The following ATG10 variants were observed in gnomAD, a reference collection of about 807,000 sequenced individuals.
The protein encoded by ATG10 is autophagy related 10, also known as ubiquitin-like-conjugating enzyme ATG10.
Under a neutral mutation model 32.1 loss-of-function variants are expected in ATG10, and 30 were observed. That is an observed-to-expected ratio of 0.94 (90% CI 0.70 to 1.27). The LOEUF (loss-of-function observed/expected upper bound fraction) is 1.27. Ranked by LOEUF, ATG10 falls within the 50% of genes most tolerant of loss-of-function variation. The pLI is 0.00. For synonymous variants in ATG10, 87 were observed against 91.5 expected (o/e 0.95, Z 0.28); for missense variants, 233 against 262.3 (o/e 0.89, Z 0.77).
At chr5:82,189,185 T>G (rs1297437574) in intron 5 of ATG10, among the ~76,000 whole-genome samples, 1 of 152,220 alleles carries the variant, frequency 6.6e-6, no homozygotes, top group Admixed American at 6.5e-5. Context: ...ATACATATAC[T>G]ATAACCATCA....
chr5:82,250,428 T>C (rs1291746123), intron 5 of ATG10, among the ~76,000 whole-genome samples: 1 of 152,220 alleles, frequency 6.6e-6, no homozygotes, highest in Admixed American at 6.5e-5. Flanking sequence ...ATGAGGGCAC[T>C]GGAAGATCCA....
chr5:82,172,954 G>A (rs1193000013), intron 4 of ATG10, among the ~76,000 whole-genome samples: 1 of 152,120 alleles, frequency 6.6e-6, no homozygotes, highest in Non-Finnish European at 1.5e-5. Context: ...TTCCCCTTTG[G>A]TGGAGCTTCA....
chr5:82,059,912 A>G (rs923340970), intron 3 of ATG10, among the ~76,000 whole-genome samples: 2 of 152,164 alleles, frequency 1.3e-5, no homozygotes, highest in Non-Finnish European at 2.9e-5. Context: ...AGCCAAGCAT[A>G]TTAGGAAGCT....
intron 5 of ATG10, among the ~76,000 whole-genome samples, chr5:82,210,826 A>C (rs966850373): frequency 6.6e-6 from 1 of 152,350 alleles, no homozygotes; most frequent in Admixed American, 6.5e-5. Flanking sequence ...AGGGGCTGTC[A>C]GGTTTTACTC....
chr5:82,148,016 A>G (rs1459660091), intron 3 of ATG10: 1 of 152,178 alleles, frequency 6.6e-6, no homozygotes, highest in Non-Finnish European at 1.5e-5. Context: ...ATTGGTCTGT[A>G]AGGCACTCAG....
intron 2 of ATG10, among the ~76,000 whole-genome samples, chr5:82,028,401 A>G (rs1196116029): frequency 2.6e-5 from 4 of 152,214 alleles, no homozygotes; most frequent in African/African-American, 7.2e-5. Context: ...TGAAACAAAT[A>G]AAGTATGGAA....
intron 3 of ATG10, among the ~76,000 whole-genome samples, chr5:82,139,857 C>G (rs1338546299): frequency 1.5e-5 from 2 of 136,996 alleles, no homozygotes; most frequent in African/African-American, 2.8e-5. Context: ...TCAGCCCCCC[C>G]ACCCGGCCAG....
At chr5:82,205,769 G>A (rs963841630) in intron 5 of ATG10, among the ~76,000 whole-genome samples, 5 of 152,166 alleles carry the variant, frequency 3.3e-5, no homozygotes, top group African/African-American at 7.2e-5. Context: ...TGGAAGCTAC[G>A]CTTGAGATAG....
intron 5 of ATG10, among the ~76,000 whole-genome samples, chr5:82,200,825 GT>G (rs1745041689): frequency 6.6e-6 from 1 of 150,724 alleles, no homozygotes; most frequent in Non-Finnish European, 1.5e-5. Flanking sequence ...CAGAGTGAGA[GT>G]TTTTAATTTG....
intron 2 of ATG10, among the ~76,000 whole-genome samples, chr5:82,044,293 TATGAGAAC>T (rs1763171737): frequency 6.6e-6 from 1 of 152,066 alleles, no homozygotes; most frequent in Non-Finnish European, 1.5e-5. Context: ...CACTCACTAT[TATGAGAAC>T]AGCAAGGGGA....
chr5:82,173,187 A>T (rs1354510429), intron 4 of ATG10, among the ~76,000 whole-genome samples: 2 of 152,190 alleles, frequency 1.3e-5, no homozygotes, highest in Non-Finnish European at 2.9e-5. Flanking sequence ...AACCGTGCAC[A>T]ATAAGGATAA....
At chr5:81,985,919 C>T (rs953169981) in intron 1 of ATG10, among the ~76,000 whole-genome samples, 2 of 152,274 alleles carry the variant, frequency 1.3e-5, no homozygotes, top group Non-Finnish European at 2.9e-5. Flanking sequence ...CCCGCCACCA[C>T]GCCTGGCTAA....
chr5:82,193,866 A>C (rs991232671), intron 5 of ATG10, among the ~76,000 whole-genome samples: 2 of 152,238 alleles, frequency 1.3e-5, no homozygotes, highest in Non-Finnish European at 2.9e-5. Flanking sequence ...AATGATCAAC[A>C]GTGATAGTTT....
intron 3 of ATG10, among the ~76,000 whole-genome samples, chr5:82,064,581 A>G (rs1456271466): frequency 6.6e-6 from 1 of 152,126 alleles, no homozygotes; most frequent in Non-Finnish European, 1.5e-5. Flanking sequence ...GCCAGCATTA[A>G]TGCCTTCATG....
intron 4 of ATG10, 120 bp downstream of exon 4, chr5:82,164,657 G>T: frequency 3.1e-6 from 3 of 978,862 alleles, no homozygotes; most frequent in Non-Finnish European, 4.4e-6. Flanking sequence ...AAAACTGTGG[G>T]TGAGGTAAGG....
chr5:82,127,838 C>T (rs142499520), intron 3 of ATG10, among the ~76,000 whole-genome samples: 4,594 of 152,058 alleles, frequency 0.03, 106 homozygotes, highest in Middle Eastern at 0.051. Context: ...AATATCCTTG[C>T]TAATTTTCTG....
rs1165933043 is a variant in ATG10, at chr5:82,252,575, T to C, written c.467T>C (p.Leu156Pro). ...DTITQQEHPI[L>P]GQPFFVLHPC... ...TGATTCTTACAGGAACATCCAATAC[T>C]TGGGCAACCCTTTTTTGTACTTCAT... is the stretch of plus-strand genomic sequence containing the variant. Residue 156 changes from leucine to proline, a missense_variant, in exon 6 of 8, where the codon CTT becomes CCT. Coordinates refer to ENST00000282185, the MANE Select transcript of ATG10 (RefSeq NM_031482.5). The C allele has an allele frequency of 6.2e-7, 1 of 1,607,102 alleles. No homozygotes were observed. The highest frequency in any genetic ancestry group is 8.5e-7 in the Non-Finnish European group (1 of 1,175,274).
At chr5:82,065,695 C>T (rs868799021) in intron 3 of ATG10, among the ~76,000 whole-genome samples, 2 of 151,936 alleles carry the variant, frequency 1.3e-5, no homozygotes, top group South Asian at 2.1e-4. Context: ...TAGTGAAAAA[C>T]GTGATTTAAC....
chr5:82,036,234 G>A (rs934207088), intron 2 of ATG10, among the ~76,000 whole-genome samples: 3 of 152,094 alleles, frequency 2.0e-5, no homozygotes, highest in Admixed American at 6.6e-5. Context: ...ATATGGCCCT[G>A]TTTTCTAGAG....
Sources: allele counts gnomAD v4.1 joint callset (sites outside exome capture counted in the v4.1 genomes callset), GRCh38; gene constraint gnomAD v4.1.1; transcripts MANE v1.5; gene names NCBI Gene and HGNC (gene_info 2026-07-23, HGNC 2026-07-21).